Variants in PSD3 observed in about 807,000 individuals in gnomAD.
PSD3 encodes the protein PH and SEC7 domain-containing protein 3.
PSD3 carries 49 observed loss-of-function variants against 105.5 expected under a neutral mutation model. The ratio of observed to expected loss-of-function variants is 0.46; its 90% CI spans 0.37 to 0.59. The LOEUF (loss-of-function observed/expected upper bound fraction) is 0.59. PSD3 is among the 20% of genes least tolerant of loss of function. The pLI is 0.00. For synonymous variants in PSD3, 557 were observed against 457.8 expected (o/e 1.22, Z -2.77); for missense variants, 1,561 against 1,263.8 (o/e 1.24, Z -3.57).
chr8:18,555,411 G>C (rs182342655), intron 15 of PSD3, among the ~76,000 whole-genome samples: 61 of 151,948 alleles, frequency 4.0e-4, no homozygotes, highest in African/African-American at 1.4e-3. Context: ...GGCAGATTCA[G>C]CACACCCACC....
chr8:19,031,869 C>T (rs922188259), intron 1 of PSD3, among the ~76,000 whole-genome samples: 1 of 152,208 alleles, frequency 6.6e-6, no homozygotes, highest in African/African-American at 2.4e-5. Flanking sequence ...TCTCAGTTTA[C>T]AGATGAGAAA....
chr8:18,917,024 G>T (rs1264250107), intron 2 of PSD3, among the ~76,000 whole-genome samples: 1 of 151,982 alleles, frequency 6.6e-6, no homozygotes, highest in Non-Finnish European at 1.5e-5. Flanking sequence ...CATCTCCTAC[G>T]CAACATGTCC....
intron 9 of PSD3, among the ~76,000 whole-genome samples, chr8:18,656,269 A>C (rs1808885927): frequency 6.6e-6 from 1 of 151,142 alleles, no homozygotes; most frequent in Admixed American, 6.6e-5. Context: ...TGTTGGCCAG[A>C]CTGGTCTTGA....
intron 9 of PSD3, among the ~76,000 whole-genome samples, chr8:18,662,495 A>C (rs1349502726): frequency 6.6e-6 from 1 of 152,262 alleles, no homozygotes; most frequent in Non-Finnish European, 1.5e-5. Flanking sequence ...TTTTCTTGAG[A>C]GAAAGATTTG....
At chr8:18,571,692 C>T (rs1301607178) in intron 14 of PSD3, among the ~76,000 whole-genome samples, 1 of 152,220 alleles carries the variant, frequency 6.6e-6, no homozygotes, top group Non-Finnish European at 1.5e-5. Context: ...TTGATAATTG[C>T]TCCCTCTCTT....
intron 13 of PSD3, among the ~76,000 whole-genome samples, chr8:18,573,413 T>C (rs1802271789): frequency 6.6e-6 from 1 of 152,146 alleles, no homozygotes; most frequent in South Asian, 2.1e-4. Context: ...GAGGTTGCAG[T>C]GAGCAGAGAT....
chr8:18,808,787 C>G, intron 4 of PSD3: 8 of 1,614,054 alleles, frequency 5.0e-6, no homozygotes, highest in Non-Finnish European at 6.8e-6. Context: ...AAGAGCCCAT[C>G]GCAACCCCTG....
chr8:18,796,879 A>T (rs1466592524), intron 8 of PSD3, among the ~76,000 whole-genome samples: 1 of 152,208 alleles, frequency 6.6e-6, no homozygotes, highest in African/African-American at 2.4e-5. Flanking sequence ...TCTAGGTAGT[A>T]TAGCATTAAG....
At chr8:18,723,968 C>T (rs867802455) in intron 9 of PSD3, among the ~76,000 whole-genome samples, 96 of 152,176 alleles carry the variant, frequency 6.3e-4, no homozygotes, top group African/African-American at 2.3e-3. Context: ...CCAGTAGTCA[C>T]AGCAGTGAAA....
At chr8:18,795,182 G>C (rs1319364580) in intron 8 of PSD3, among the ~76,000 whole-genome samples, 1 of 152,008 alleles carries the variant, frequency 6.6e-6, no homozygotes, top group African/African-American at 2.4e-5. Context: ...ACTAGATATG[G>C]TTTCAACCCT....
intron 8 of PSD3, among the ~76,000 whole-genome samples, chr8:18,793,917 C>T (rs530082770): frequency 3.9e-5 from 6 of 152,228 alleles, no homozygotes; most frequent in African/African-American, 7.2e-5. Context: ...ATGTTTTTGA[C>T]AGTGAAAATA....
At chr8:18,784,964 T>C (rs1490040080) in intron 8 of PSD3, among the ~76,000 whole-genome samples, 2 of 152,148 alleles carry the variant, frequency 1.3e-5, no homozygotes, top group African/African-American at 2.4e-5. Context: ...GAGGGGAGGC[T>C]GAAAATTCCA....
chr8:18,603,648 A>T (rs932154181), intron 11 of PSD3, among the ~76,000 whole-genome samples: 3 of 152,204 alleles, frequency 2.0e-5, no homozygotes, highest in African/African-American at 7.2e-5. Flanking sequence ...GTTCAGCTAC[A>T]ATCCCCAGTG....
intron 2 of PSD3, among the ~76,000 whole-genome samples, chr8:18,923,713 G>A (rs1821177681): frequency 6.6e-6 from 1 of 152,084 alleles, no homozygotes; most frequent in Non-Finnish European, 1.5e-5. Context: ...TTTGCACAAA[G>A]ATGAAATCGC....
intron 1 of PSD3, among the ~76,000 whole-genome samples, chr8:19,050,172 A>G (rs965017687): frequency 6.6e-6 from 1 of 152,230 alleles, no homozygotes; most frequent in African/African-American, 2.4e-5. Context: ...TGCAAATTAG[A>G]AAAAAGAAAG....
intron 2 of PSD3, among the ~76,000 whole-genome samples, chr8:18,911,765 T>TACACCTACAGATACACAC (rs1408067732): frequency 6.6e-6 from 1 of 151,966 alleles, no homozygotes; most frequent in East Asian, 1.9e-4. Flanking sequence ...AATGTACACA[T>TACACCTACAGATACACAC]ACACCTACAG....
chr8:18,952,607 G>C (rs1194657339), intron 1 of PSD3, among the ~76,000 whole-genome samples: 2 of 152,128 alleles, frequency 1.3e-5, no homozygotes, highest in Non-Finnish European at 1.5e-5. Context: ...AAGAACAAAT[G>C]AATTAAATAT....
chr8:18,938,450 C>T (rs150179429), intron 1 of PSD3, among the ~76,000 whole-genome samples: 1,628 of 152,054 alleles, frequency 0.011, 28 homozygotes, highest in African/African-American at 0.037. Flanking sequence ...GGCAAAACCC[C>T]GTCTCTACTA....
At chr8:18,770,319 T>C (rs1054809017) in intron 8 of PSD3, among the ~76,000 whole-genome samples, 7 of 152,236 alleles carry the variant, frequency 4.6e-5, no homozygotes, top group Admixed American at 3.3e-4. Context: ...TATTGGAATA[T>C]TTATATTTTT....
Sources: allele counts gnomAD v4.1 joint callset (sites outside exome capture counted in the v4.1 genomes callset), GRCh38; gene constraint gnomAD v4.1.1; transcripts MANE v1.5; gene names NCBI Gene and HGNC (gene_info 2026-07-23, HGNC 2026-07-21).